UBE2E2: variants seen among roughly 807,000 people sequenced by gnomAD.
The protein encoded by UBE2E2 is ubiquitin conjugating enzyme E2 E2, also known as ubiquitin-conjugating enzyme E2 E2.
A neutral mutation model predicts 24.7 loss-of-function variants in UBE2E2; 6 were observed. The ratio of observed to expected loss-of-function variants is 0.24; its 90% CI spans 0.13 to 0.48. The LOEUF is 0.48. UBE2E2 is among the 20% of genes least tolerant of loss of function. UBE2E2 has a pLI of 0.99. For synonymous variants in UBE2E2, 104 were observed against 83.6 expected, an observed-to-expected ratio of 1.24 and a Z score of -1.33; for missense variants, 169 against 245.0, an observed-to-expected ratio of 0.69 and a Z score of 2.07.
chr3:23,466,097 G>T (rs1357225409), intron 3 of UBE2E2, among the ~76,000 whole-genome samples: 1 of 152,088 alleles, frequency 6.6e-6, no homozygotes, highest in Admixed American at 6.5e-5. Flanking sequence ...ATGATTACTG[G>T]TAGTACAATA....
intron 3 of UBE2E2, among the ~76,000 whole-genome samples, chr3:23,341,223 A>G (rs1032890913): frequency 1.3e-5 from 2 of 152,148 alleles, no homozygotes. Context: ...AAATTATCTT[A>G]TTGGTGGTGA....
At chr3:23,276,928 CTTTTT>C (rs755981726) in intron 3 of UBE2E2, among the ~76,000 whole-genome samples, 3 of 151,746 alleles carry the variant, frequency 2.0e-5, no homozygotes, top group African/African-American at 7.2e-5. Context: ...AGAGGAAAAA[CTTTTT>C]TTATTTTTCT....
chr3:23,396,808 T>A (rs984705630), intron 3 of UBE2E2, among the ~76,000 whole-genome samples: 1 of 152,146 alleles, frequency 6.6e-6, no homozygotes, highest in African/African-American at 2.4e-5. Flanking sequence ...GTTATTCTTC[T>A]TAAGAACAAA....
chr3:23,560,225 C>T (rs1695889786), intron 5 of UBE2E2, among the ~76,000 whole-genome samples: 1 of 129,058 alleles, frequency 7.7e-6, no homozygotes, highest in Non-Finnish European at 1.6e-5. Context: ...CCTCCCCCCA[C>T]CCCACAACAG....
chr3:23,526,885 G>C (rs1188657077), intron 4 of UBE2E2, among the ~76,000 whole-genome samples: 1 of 152,046 alleles, frequency 6.6e-6, no homozygotes, highest in Non-Finnish European at 1.5e-5. Flanking sequence ...GAAATTCACA[G>C]GATTCTTTGC....
chr3:23,544,107 T>C (rs1159951408), intron 5 of UBE2E2, among the ~76,000 whole-genome samples: 2 of 152,104 alleles, frequency 1.3e-5, no homozygotes, highest in African/African-American at 4.8e-5. Flanking sequence ...CCATAAAAAT[T>C]CTGGAAGAAA....
chr3:23,520,690 C>G (rs766097095), intron 4 of UBE2E2, among the ~76,000 whole-genome samples: 23 of 152,170 alleles, frequency 1.5e-4, no homozygotes, highest in Non-Finnish European at 3.2e-4. Flanking sequence ...GTCATTCAGG[C>G]TAGAGTATAT....
At chr3:23,565,696 G>C (rs1451637720) in intron 5 of UBE2E2, among the ~76,000 whole-genome samples, 2 of 152,022 alleles carry the variant, frequency 1.3e-5, no homozygotes, top group African/African-American at 4.8e-5. Context: ...TTAAAATTCT[G>C]ATTAGGAAAA....
Position 23,330,629 on chromosome 3 carries a change from C to G in UBE2E2, c.227+113317C>G, listed in dbSNP as rs181820463. Among the ~76,000 whole-genome samples the G allele has an allele frequency of 9.2e-5, 14 of 152,290 alleles. No homozygotes were observed. In the East Asian group the frequency reaches 2.5e-3, roughly 27 times the overall value. ...TCCCTGGAGGTGTATGGAGAGAATT[C>G]ACATGACCCCTTCATTGTCCAGCAG... On this transcript the variant is annotated intron_variant, in intron 3 of 5. Transcript: ENST00000396703.
chr3:23,367,042 G>A (rs1696277097), intron 3 of UBE2E2, among the ~76,000 whole-genome samples: 1 of 152,180 alleles, frequency 6.6e-6, no homozygotes, highest in Admixed American at 6.5e-5. Flanking sequence ...AAGTCATTCT[G>A]AAGAATTTAT....
At chr3:23,429,750 T>C (rs1575623508) in intron 3 of UBE2E2, among the ~76,000 whole-genome samples, 2 of 152,218 alleles carry the variant, frequency 1.3e-5, no homozygotes, top group South Asian at 4.1e-4. Context: ...ACAAATCATA[T>C]GACCATTTAT....
At chr3:23,425,365 C>A (rs1297593789) in intron 3 of UBE2E2, among the ~76,000 whole-genome samples, 7 of 152,074 alleles carry the variant, frequency 4.6e-5, no homozygotes, top group Admixed American at 4.6e-4. Context: ...GGGGGAAGCT[C>A]AACTAAATTT....
intron 3 of UBE2E2, among the ~76,000 whole-genome samples, chr3:23,428,814 C>T (rs1190532267): frequency 1.3e-5 from 2 of 151,276 alleles, no homozygotes; most frequent in South Asian, 2.1e-4. Flanking sequence ...AGCCTGGTGC[C>T]ACCACATCAC....
intron 3 of UBE2E2, among the ~76,000 whole-genome samples, chr3:23,465,194 A>G (rs1357119996): frequency 1.3e-5 from 2 of 152,314 alleles, no homozygotes; most frequent in South Asian, 2.1e-4. Flanking sequence ...TAATGTTAGT[A>G]GCTTCATTGA....
At chr3:23,340,548 C>T (rs1446185578) in intron 3 of UBE2E2, among the ~76,000 whole-genome samples, 1 of 151,978 alleles carries the variant, frequency 6.6e-6, no homozygotes, top group Non-Finnish European at 1.5e-5. Context: ...AAATGTTAAA[C>T]AGAGACATTC....
intron 3 of UBE2E2, among the ~76,000 whole-genome samples, chr3:23,495,211 C>G (rs934223353): frequency 6.6e-6 from 1 of 152,162 alleles, no homozygotes; most frequent in African/African-American, 2.4e-5. Flanking sequence ...ACTACATAGA[C>G]AGCTGACTGA....
At chr3:23,568,698 T>TACATATATACACAC in intron 5 of UBE2E2, among the ~76,000 whole-genome samples, 1 of 59,486 alleles carries the variant, frequency 1.7e-5, no homozygotes, top group South Asian at 5.2e-4. Flanking sequence ...TATACACACA[T>TACATATATACACAC]ATATATATAC....
At chr3:23,494,222 A>G (rs930009150) in intron 3 of UBE2E2, among the ~76,000 whole-genome samples, 2 of 152,180 alleles carry the variant, frequency 1.3e-5, no homozygotes, top group African/African-American at 2.4e-5. Context: ...TTGATTCATG[A>G]TACAGAAATA....
At position 23,589,879 on chromosome 3, in the gene UBE2E2, A is replaced by C; in HGVS notation, c.*48A>C. 2 of 1,591,264 alleles carry C rather than the reference A, an allele frequency of 1.3e-6. No individual in the cohort carries two copies. The highest frequency in any genetic ancestry group is 1.7e-6 in the Non-Finnish European group (2 of 1,160,662). On this transcript the variant is annotated 3_prime_UTR_variant, in exon 6 of 6. Transcript: ENST00000396703. This position sits in a 1 kb window ranked among gnomAD's most constrained non-coding sequence, Gnocchi z 4.1. ...CGGGACCTGTGCAAGCACATTCACCAAGTGCATCGGTAGCCCTGCCCACCC... is the reference window on the plus strand; with the variant it reads ...CGGGACCTGTGCAAGCACATTCACCCAGTGCATCGGTAGCCCTGCCCACCC...
Sources: allele counts gnomAD v4.1 joint callset (sites outside exome capture counted in the v4.1 genomes callset), GRCh38; gene constraint gnomAD v4.1.1; non-coding constraint Gnocchi (gnomAD v3.1); transcripts MANE v1.5; gene names NCBI Gene and HGNC (gene_info 2026-07-23, HGNC 2026-07-21).